MSH6: variants seen among roughly 807,000 people sequenced by gnomAD.
MSH6 encodes DNA mismatch repair protein Msh6.
A neutral mutation model predicts 119.1 loss-of-function variants in MSH6; 85 were observed. That is an observed-to-expected ratio of 0.71 (90% CI 0.60 to 0.85). The LOEUF (loss-of-function observed/expected upper bound fraction) is 0.85, where lower values mean the gene tolerates loss of function less well. MSH6 is among the 40% of genes least tolerant of loss of function. The pLI, the probability that MSH6 is intolerant of heterozygous loss-of-function variation, is 0.00. For missense variants in MSH6, 2,163 were observed against 1,655.3 expected (o/e 1.31, Z -5.32); for synonymous variants, 830 against 586.9 (o/e 1.41, Z -5.99).
chr2:47,787,075 C>G (rs1192195938), intron 1 of MSH6, among the ~76,000 whole-genome samples: 1 of 152,110 alleles, frequency 6.6e-6, no homozygotes, highest in Non-Finnish European at 1.5e-5. Context: ...CCTGTAAACC[C>G]AACACTTTGG....
At chr2:47,797,088 C>G (rs1298514745) in intron 3 of MSH6, among the ~76,000 whole-genome samples, 3 of 152,124 alleles carry the variant, frequency 2.0e-5, no homozygotes, top group African/African-American at 7.2e-5. Context: ...AATTTGTAAA[C>G]TTTCTTAAAA....
At chr2:47,786,588 C>T (rs1393740204) in intron 1 of MSH6, among the ~76,000 whole-genome samples, 1 of 152,178 alleles carries the variant, frequency 6.6e-6, no homozygotes, top group Non-Finnish European at 1.5e-5. Context: ...CCCACCTCAG[C>T]CTCCCAAAGT....
At chr2:47,807,081 C>CTGT, downstream of MSH6, 3 of 537,958 alleles carry the variant, frequency 5.6e-6, no homozygotes, top group Non-Finnish European at 9.8e-6. Flanking sequence ...CACTTTCAGG[C>CTGT]TGTTTTATAC....
chr2:47,806,714 A>T (rs1345305942), intron 9 of MSH6, 63 bp downstream of exon 9: 3 of 1,573,660 alleles, frequency 1.9e-6, no homozygotes, highest in Non-Finnish European at 1.7e-6. Flanking sequence ...AAACAGTAAA[A>T]GGGGAAGGGA....
intron 1 of MSH6, chr2:47,789,443 G>A: frequency 2.1e-6 from 1 of 467,548 alleles, no homozygotes; most frequent in Non-Finnish European, 4.4e-6. Flanking sequence ...CATTTATCCT[G>A]TAAACAAATG....
Position 47,783,312 on chromosome 2 carries a change from G to T in MSH6, c.79G>T (p.Ala27Ser). The change falls in exon 1 of 10, where the codon GCC (alanine) becomes TCC (serine). Residue 27 changes from alanine to serine, a missense_variant. By Grantham distance (99) the Ala-to-Ser change is moderately conservative (BLOSUM62 1). Coordinates refer to ENST00000234420, the MANE Select transcript of MSH6 (RefSeq NM_000179.3). ...TGATGCCAACAAGGCCTCGGCCAGG[G>T]CCTCACGCGAAGGCGGCCGTGCCGC... ...LSDANKASARASREGGRAAAA... is the reference protein window; with the variant it reads ...LSDANKASARSSREGGRAAAA... 6.2e-7 allele frequency: 1 copy of T among 1,611,802 alleles called. No homozygotes were observed. The highest frequency in any genetic ancestry group is 8.5e-7 in the Non-Finnish European group (1 of 1,179,384).
chr2:47,806,749 A>G (rs762575178), intron 9 of MSH6, 30 bp from the exon 10 acceptor site: 2 of 1,473,238 alleles, frequency 1.4e-6, no homozygotes, highest in Non-Finnish European at 1.9e-6. Flanking sequence ...AAAACAAAAA[A>G]ACTTTTTTTT....
At chr2:47,795,590 C>T (rs1007141038) in intron 2 of MSH6, among the ~76,000 whole-genome samples, 2 of 151,784 alleles carry the variant, frequency 1.3e-5, no homozygotes, top group African/African-American at 4.8e-5. Flanking sequence ...CTCAGCCTCC[C>T]AAGTAGCTGG....
intron 4 of MSH6, among the ~76,000 whole-genome samples, chr2:47,801,758 C>G (rs1442316499): frequency 6.6e-6 from 1 of 152,074 alleles, no homozygotes; most frequent in Non-Finnish European, 1.5e-5. Flanking sequence ...TCGTGTCAGC[C>G]TCTTAGGTAG....
Position 47,799,168 on chromosome 2 carries a change from A to G in MSH6, c.1185A>G (p.Thr395=). The change falls in exon 4 of 10, where the codon ACA becomes ACG. Residue 395 remains threonine, a synonymous_variant. Transcript: ENST00000234420. ...ATCACCCCGATTTTGATGCATCTAC[A>G]CTCTATGTGCCTGAGGATTTCCTCA... The part of the protein sequence containing the change: ...RPDHPDFDAS[T]LYVPEDFLNS... 6.2e-7 allele frequency: 1 copy of G among 1,614,046 alleles called. No homozygotes were observed. The highest frequency in any genetic ancestry group is 2.2e-5 in the East Asian group (1 of 44,880).
chr2:47,799,740 T>C lies in MSH6; in HGVS notation c.1757T>C (p.Val586Ala), dbSNP rs730881792. Reference sequence around the variant, plus strand: ...CATTGTTCGAGATTTAGGACTCTAGTGGCACACTATCCCCCAGTACAAGTT... The same window carrying C: ...CATTGTTCGAGATTTAGGACTCTAGCGGCACACTATCCCCCAGTACAAGTT... ...DRHCSRFRTL[V>A]AHYPPVQVLF... is the part of the protein sequence containing the mutation. The change falls in exon 4 of 10, where the codon GTG becomes GCG. Residue 586 changes from valine (V) to alanine (A), a missense_variant. Transcript: ENST00000234420. 1 of 1,614,082 alleles carries C rather than the reference T, an allele frequency of 6.2e-7. No individual in the cohort carries two copies. The highest frequency in any genetic ancestry group is 8.5e-7 in the Non-Finnish European group (1 of 1,180,048).
chr2:47,793,993 A>T (rs1188608689), intron 2 of MSH6, among the ~76,000 whole-genome samples: 1 of 151,538 alleles, frequency 6.6e-6, no homozygotes, highest in African/African-American at 2.4e-5. Flanking sequence ...TGGCCTCCCA[A>T]AGTGCTGGGA....
At chr2:47,797,933 C>CT in intron 3 of MSH6, 1 of 212,812 alleles carries the variant, frequency 4.7e-6, no homozygotes. Flanking sequence ...TCAGCACAAT[C>CT]TTTTTTATAG....
At chr2:47,783,633 C>G in intron 1 of MSH6, 140 bp downstream of exon 1, 1 of 851,818 alleles carries the variant, frequency 1.2e-6, no homozygotes, top group Non-Finnish European at 1.7e-6. Flanking sequence ...GCAGAGTTGG[C>G]TTGAATGAGT....
rs1243909922 is a variant in MSH6, at chr2:47,799,071, C to T, written c.1088C>T (p.Thr363Ile). 6.2e-7 allele frequency: 1 copy of T among 1,614,146 alleles called. No homozygotes were observed. Among genetic ancestry groups the T allele is most frequent in the Admixed American group, 1.7e-5 (1 of 60,028 alleles). Reference protein sequence around the residue: ...SGGGDDSSRPTVWYHETLEWL... With the variant: ...SGGGDDSSRPIVWYHETLEWL... ...GGTGGTGATGACAGTAGTCGCCCTACTGTTTGGTATCATGAAACTTTAGAA... is the reference window on the plus strand; with the variant it reads ...GGTGGTGATGACAGTAGTCGCCCTATTGTTTGGTATCATGAAACTTTAGAA... Residue 363 changes from threonine to isoleucine, a missense_variant, in exon 4 of 10, where the codon ACT becomes ATT. Coordinates refer to ENST00000234420, the MANE Select transcript of MSH6 (RefSeq NM_000179.3).
chr2:47,795,954 TGA>T lies in MSH6; in HGVS notation c.522_523del (p.Arg174SerfsTer7), dbSNP rs267608037. 6.2e-7 allele frequency: 1 copy of T among 1,614,152 alleles called. No homozygotes were observed. ...TTTTACAGTGCAAAGCCTGAAATACTGAGAGCAATGCAACGTGCAGATGAAGC... is the reference window on the plus strand; with the variant it reads ...TTTTACAGTGCAAAGCCTGAAATACTGAGCAATGCAACGTGCAGATGAAGC... On this transcript the variant is annotated frameshift_variant, in exon 3 of 10. Coordinates refer to ENST00000234420, the MANE Select transcript of MSH6 (RefSeq NM_000179.3). LOFTEE classifies it high-confidence loss of function.
chr2:47,783,658 T>G, intron 1 of MSH6, 165 bp downstream of exon 1: 2 of 661,408 alleles, frequency 3.0e-6, no homozygotes, highest in Non-Finnish European at 2.3e-6. Context: ...GGGTCGAGTC[T>G]GGAGCATTTG....
At chr2:47,809,135 A>C (rs980197311), downstream of MSH6, 2 of 1,383,124 alleles carry the variant, frequency 1.4e-6, no homozygotes, top group Non-Finnish European at 2.0e-6. Flanking sequence ...TCTTTTCAGG[A>C]CTCAAATATA....
chr2:47,788,543 G>A (rs1286948928), intron 1 of MSH6, among the ~76,000 whole-genome samples: 5 of 144,492 alleles, frequency 3.5e-5, no homozygotes, highest in Admixed American at 1.4e-4. Flanking sequence ...GTGAGCCACC[G>A]TGCCCAGCCT....
Sources: gnomAD v4.1 joint callset for allele counts (sites outside exome capture counted in the v4.1 genomes callset) on GRCh38, gnomAD v4.1.1 for gene constraint, MANE v1.5 for transcripts, NCBI Gene and HGNC (gene_info 2026-07-23, HGNC 2026-07-21) for gene names.